Variants in NEGR1 observed in about 807,000 individuals in gnomAD.
The protein encoded by NEGR1 is IgLON family member 4.
In NEGR1, 10 loss-of-function variants were observed where a neutral mutation model predicts 40.9. The observed-to-expected ratio is 0.24, with a 90% CI of 0.15 to 0.42. The LOEUF (loss-of-function observed/expected upper bound fraction) is 0.42. Ranked by LOEUF, NEGR1 falls within the 10% of genes least tolerant of loss-of-function variation. NEGR1 has a pLI of 1.00. For synonymous variants in NEGR1, 185 were observed against 166.8 expected (o/e 1.11, Z -0.84); for missense variants, 352 against 438.9 (o/e 0.80, Z 1.77).
intron 6 of NEGR1, among the ~76,000 whole-genome samples, chr1:71,418,632 A>G (rs1019873858): frequency 1.3e-5 from 2 of 152,096 alleles, no homozygotes; most frequent in Non-Finnish European, 2.9e-5. Context: ...TATCTGACAT[A>G]TATTTCTCCT....
intron 1 of NEGR1, among the ~76,000 whole-genome samples, chr1:71,949,608 G>A (rs1175912507): frequency 6.6e-6 from 1 of 152,108 alleles, no homozygotes; most frequent in African/African-American, 2.4e-5. Context: ...GTCAGGGCAG[G>A]TTTAGTAGGA....
At chr1:71,819,275 G>A (rs1186912875) in intron 2 of NEGR1, among the ~76,000 whole-genome samples, 1 of 151,924 alleles carries the variant, frequency 6.6e-6, no homozygotes, top group Non-Finnish European at 1.5e-5. Flanking sequence ...AGAGATGTCC[G>A]ACAACAAAGA....
At chr1:72,218,488 T>C (rs1326886428) in intron 1 of NEGR1, among the ~76,000 whole-genome samples, 1 of 152,096 alleles carries the variant, frequency 6.6e-6, no homozygotes, top group Non-Finnish European at 1.5e-5. Flanking sequence ...CACCGTACTA[T>C]TTTATGGTAA....
At chr1:72,013,753 T>C in intron 1 of NEGR1, among the ~76,000 whole-genome samples, 1 of 151,760 alleles carries the variant, frequency 6.6e-6, no homozygotes, top group African/African-American at 2.4e-5. Flanking sequence ...TCTGGTTAGC[T>C]AGCTGACTGT....
At chr1:71,673,467 T>C (rs554240058) in intron 4 of NEGR1, among the ~76,000 whole-genome samples, 1 of 116,752 alleles carries the variant, frequency 8.6e-6, no homozygotes, top group Non-Finnish European at 1.9e-5. Context: ...CCTGCTTTTA[T>C]GGAGCTTATG....
At chr1:72,199,881 C>T (rs1653141783) in intron 1 of NEGR1, among the ~76,000 whole-genome samples, 1 of 151,812 alleles carries the variant, frequency 6.6e-6, no homozygotes. Flanking sequence ...TGAACAGGCA[C>T]TTCTCAGAAA....
At chr1:72,212,338 C>CT in intron 1 of NEGR1, among the ~76,000 whole-genome samples, 2 of 151,914 alleles carry the variant, frequency 1.3e-5, no homozygotes, top group South Asian at 4.2e-4. Context: ...TTCTGTCTTT[C>CT]TTATATCCAG....
intron 3 of NEGR1, among the ~76,000 whole-genome samples, chr1:71,705,359 C>T (rs1653852785): frequency 6.6e-6 from 1 of 152,088 alleles, no homozygotes; most frequent in African/African-American, 2.4e-5. Context: ...TTAGATATTA[C>T]ACAGAAAGCA....
chr1:71,907,066 C>T (rs1377553815), intron 2 of NEGR1, among the ~76,000 whole-genome samples: 1 of 152,134 alleles, frequency 6.6e-6, no homozygotes, highest in Non-Finnish European at 1.5e-5. Flanking sequence ...GTCCTCTTCC[C>T]CTCTCTTTAT....
At chr1:72,219,279 A>G (rs543507912) in intron 1 of NEGR1, among the ~76,000 whole-genome samples, 4 of 152,196 alleles carry the variant, frequency 2.6e-5, no homozygotes, top group Admixed American at 6.6e-5. Context: ...GTTGCCATCA[A>G]TAATAAACAG....
At chr1:71,440,427 C>G (rs1646539438) in intron 6 of NEGR1, among the ~76,000 whole-genome samples, 3 of 151,934 alleles carry the variant, frequency 2.0e-5, no homozygotes, top group Admixed American at 2.0e-4. Context: ...ATTTCCAAAA[C>G]ATAAATTCTA....
chr1:72,005,577 GT>G (rs1454133032), intron 1 of NEGR1, among the ~76,000 whole-genome samples: 1 of 152,120 alleles, frequency 6.6e-6, no homozygotes, highest in African/African-American at 2.4e-5. Context: ...TTGTAAAAGA[GT>G]ATTTCTAAAA....
intron 1 of NEGR1, among the ~76,000 whole-genome samples, chr1:72,266,099 T>C (rs1655629378): frequency 1.3e-5 from 2 of 150,898 alleles, no homozygotes; most frequent in Non-Finnish European, 3.0e-5. Flanking sequence ...GTTATTGATA[T>C]TAACATTTTC....
intron 3 of NEGR1, among the ~76,000 whole-genome samples, chr1:71,755,521 C>T (rs1258347716): frequency 4.6e-5 from 7 of 152,164 alleles, no homozygotes; most frequent in Admixed American, 3.3e-4. Context: ...ATCTGTCCAG[C>T]CCCAACTAAC....
intron 1 of NEGR1, among the ~76,000 whole-genome samples, chr1:72,121,246 T>A (rs1191781643): frequency 3.3e-5 from 5 of 152,124 alleles, no homozygotes; most frequent in East Asian, 3.9e-4. Context: ...TATTTAAACC[T>A]CCAATGTTAC....
In NEGR1 at chr1:71,944,808, T is replaced by G. The variant is rs147815219; in HGVS notation, c.177-9497A>C. On this transcript the variant is annotated intron_variant, in intron 1 of 6. Transcript: ENST00000357731. ...AATATTCTGAACACAAATTTTGTTT[T>G]ATGAATAAAAAATGGTTACACAGTC... 4.2e-4 allele frequency among the ~76,000 whole-genome samples: 64 copies of G among 152,272 alleles called. No individual in the cohort carries two copies. The East Asian group carries it at 7.5e-3, about 18-fold the overall frequency.
intron 6 of NEGR1, among the ~76,000 whole-genome samples, chr1:71,485,935 A>G (rs1557542554): frequency 2.0e-5 from 3 of 151,728 alleles, no homozygotes; most frequent in African/African-American, 7.2e-5. Flanking sequence ...TAATTTTTCA[A>G]CTCCTTAAGG....
chr1:72,278,225 G>T (rs538729420), intron 1 of NEGR1, among the ~76,000 whole-genome samples: 1 of 152,174 alleles, frequency 6.6e-6, no homozygotes, highest in Admixed American at 6.5e-5. Flanking sequence ...TAAAGTAAAA[G>T]AAGATATCAC....
At chr1:71,710,638 T>C (rs1208426254) in intron 3 of NEGR1, among the ~76,000 whole-genome samples, 1 of 152,026 alleles carries the variant, frequency 6.6e-6, no homozygotes, top group East Asian at 1.9e-4. Context: ...AGACAAACAA[T>C]CGCATGTTCT....
Sources: allele counts gnomAD v4.1 joint callset (sites outside exome capture counted in the v4.1 genomes callset), GRCh38; gene constraint gnomAD v4.1.1; transcripts MANE v1.5; gene names NCBI Gene and HGNC (gene_info 2026-07-23, HGNC 2026-07-21).